BFSP2: variants seen among roughly 807,000 people sequenced by gnomAD.
The protein encoded by BFSP2 is beaded filament structural protein 2.
A neutral mutation model predicts 44.9 loss-of-function variants in BFSP2; 38 were observed. The observed-to-expected ratio is 0.85, with a 90% CI of 0.65 to 1.11. The LOEUF is 1.11. Ranked by LOEUF, BFSP2 falls within the 50% of genes least tolerant of loss-of-function variation. BFSP2 has a pLI of 0.00. For synonymous variants in BFSP2, 197 were observed against 209.9 expected, an observed-to-expected ratio of 0.94 and a Z score of 0.53; for missense variants, 525 against 533.0, an observed-to-expected ratio of 0.99 and a Z score of 0.15.
intron 1 of BFSP2, chr3:133,410,355 C>G: frequency 3.0e-6 from 1 of 330,494 alleles, no homozygotes; most frequent in South Asian, 2.7e-5. Context: ...AGAGACATGA[C>G]TGTGACTCAC....
chr3:133,469,646 C>T (rs576632724), intron 5 of BFSP2, among the ~76,000 whole-genome samples: 12 of 152,334 alleles, frequency 7.9e-5, no homozygotes, highest in Admixed American at 3.9e-4. Context: ...GTGCTGTCTG[C>T]GTGGCTGACT....
chr3:133,407,291 G>A (rs137933159), intron 1 of BFSP2, among the ~76,000 whole-genome samples: 4 of 152,122 alleles, frequency 2.6e-5, no homozygotes, highest in African/African-American at 4.8e-5. Flanking sequence ...TTATGATAGC[G>A]TAAGATGAAT....
intron 1 of BFSP2, among the ~76,000 whole-genome samples, chr3:133,428,770 G>A (rs995466303): frequency 1.3e-5 from 2 of 152,160 alleles, no homozygotes; most frequent in South Asian, 2.1e-4. Flanking sequence ...CAGTCACCCC[G>A]CCCACTGTTC....
intron 1 of BFSP2, among the ~76,000 whole-genome samples, chr3:133,409,519 T>G (rs1049067658): frequency 6.6e-5 from 10 of 152,066 alleles, no homozygotes; most frequent in Non-Finnish European, 1.3e-4. Context: ...AGCCTCAGAT[T>G]TGGGTCTCTA....
intron 1 of BFSP2, among the ~76,000 whole-genome samples, chr3:133,417,862 A>C (rs1271456039): frequency 1.1e-4 from 6 of 56,712 alleles, no homozygotes; most frequent in African/African-American, 2.3e-4. Context: ...CCCTCTACTC[A>C]CCTCTGTCCT....
intron 1 of BFSP2, among the ~76,000 whole-genome samples, chr3:133,432,051 C>G (rs920864284): frequency 6.6e-6 from 1 of 152,104 alleles, no homozygotes; most frequent in African/African-American, 2.4e-5. Flanking sequence ...CAACCGATCA[C>G]ATGCCCATCA....
At chr3:133,412,749 T>C (rs1296409213) in intron 1 of BFSP2, among the ~76,000 whole-genome samples, 1 of 152,170 alleles carries the variant, frequency 6.6e-6, no homozygotes, top group African/African-American at 2.4e-5. Context: ...ACACAGCGGG[T>C]GTTCAAGAAA....
intron 1 of BFSP2, among the ~76,000 whole-genome samples, chr3:133,435,911 G>T (rs2073776627): frequency 6.6e-6 from 1 of 152,088 alleles, no homozygotes; most frequent in Non-Finnish European, 1.5e-5. Context: ...CCACAAATTT[G>T]ATGTTTTCTC....
chr3:133,463,407 T>C (rs973123728), intron 4 of BFSP2, among the ~76,000 whole-genome samples: 3 of 152,206 alleles, frequency 2.0e-5, no homozygotes, highest in African/African-American at 7.2e-5. Context: ...AGTGCGCAGT[T>C]TGACCTTTTG....
At chr3:133,460,893 G>T (rs778149384) in intron 4 of BFSP2, among the ~76,000 whole-genome samples, 2 of 152,230 alleles carry the variant, frequency 1.3e-5, no homozygotes, top group Non-Finnish European at 2.9e-5. Flanking sequence ...AAACCAGAGT[G>T]CTCGAGTGAC....
chr3:133,417,469 C>T lies in BFSP2; in HGVS notation c.489+16897C>T, dbSNP rs182008033. Among the ~76,000 whole-genome samples, 57 of 126,954 alleles carry T rather than the reference C, an allele frequency of 4.5e-4. 1 individual carries two copies. In the East Asian group the frequency reaches 9.2e-3, roughly 20 times the overall value. 83.3% of individuals were successfully genotyped at this position (126,954 alleles called of 152,430 possible). A position where few individuals can be genotyped will look rare whatever the true frequency, so the allele number is the denominator to read the frequency against. ...TCCTCTCCTCTCTACTCACCCCTAC[C>T]CTCTCCCCTCTACTCACCCCTGCCC... On this transcript the variant is annotated intron_variant, in intron 1 of 6. Coordinates refer to ENST00000302334, the MANE Select transcript of BFSP2 (RefSeq NM_003571.4).
chr3:133,436,815 C>G (rs1474258342), intron 1 of BFSP2, among the ~76,000 whole-genome samples: 1 of 152,142 alleles, frequency 6.6e-6, no homozygotes, highest in Non-Finnish European at 1.5e-5. Flanking sequence ...TCCAAGTGTC[C>G]TCATTGTTCA....
intron 4 of BFSP2, among the ~76,000 whole-genome samples, chr3:133,464,025 T>TG (rs1198699738): frequency 6.6e-6 from 1 of 152,194 alleles, no homozygotes; most frequent in East Asian, 1.9e-4. Flanking sequence ...AGCTCACTAC[T>TG]GCTCCCCGCC....
intron 1 of BFSP2, among the ~76,000 whole-genome samples, chr3:133,431,850 TA>T (rs766957863): frequency 1.3e-5 from 2 of 152,170 alleles, no homozygotes; most frequent in Non-Finnish European, 2.9e-5. Flanking sequence ...CACTCCTTTT[TA>T]GTTATCCCCA....
At chr3:133,444,853 T>A (rs1374187145) in intron 1 of BFSP2, among the ~76,000 whole-genome samples, 2 of 152,148 alleles carry the variant, frequency 1.3e-5, no homozygotes, top group African/African-American at 2.4e-5. Flanking sequence ...TTCTTTGGCA[T>A]CTTCTCCTGC....
intron 1 of BFSP2, among the ~76,000 whole-genome samples, chr3:133,420,390 G>GC (rs1450261259): frequency 2.0e-5 from 3 of 152,220 alleles, no homozygotes; most frequent in Non-Finnish European, 4.4e-5. Context: ...TAAAGAAGCA[G>GC]CAGTCATCAC....
rs1377914519 is a variant in BFSP2, at chr3:133,400,437, T to C, written c.354T>C (p.Tyr118=). The C allele has an allele frequency of 6.2e-7, 1 of 1,613,982 alleles. No individual in the cohort carries two copies. The highest frequency in any genetic ancestry group is 8.5e-7 in the Non-Finnish European group (1 of 1,180,026). Residue 118 remains tyrosine (Y), a synonymous_variant, in exon 1 of 7, where the codon TAT becomes TAC. Transcript: ENST00000302334. This position sits in a 1 kb window ranked among gnomAD's most constrained non-coding sequence, Gnocchi z 4.0. ...ACCTAGGGGGCTGCCTGGTGGAATA[T>C]ATGGCCAAAGTGCACGCCCTTGAGC... The part of the protein sequence containing the change: ...VEDLGGCLVE[Y]MAKVHALEQV...
intron 1 of BFSP2, among the ~76,000 whole-genome samples, chr3:133,430,271 A>G (rs1460679676): frequency 2.0e-5 from 3 of 152,020 alleles, no homozygotes; most frequent in African/African-American, 7.3e-5. Context: ...GTATATACCC[A>G]GTAACGGGAT....
Position 133,451,386 on chromosome 3 carries a change from G to A in BFSP2, c.891+922G>A, listed in dbSNP as rs543725947. On this transcript the variant is annotated intron_variant, in intron 4 of 6. Coordinates refer to ENST00000302334, the MANE Select transcript of BFSP2 (RefSeq NM_003571.4). ...TGCCAGAAGCCAAAAAATATTCTCT[G>A]TAAAGGACCAAACAGTAAATATTTC... Among the ~76,000 whole-genome samples the A allele has an allele frequency of 1.2e-4, 18 of 152,340 alleles. No homozygotes were observed. The South Asian group carries it at 2.7e-3, about 23-fold the overall frequency.
Sources: allele counts gnomAD v4.1 joint callset (sites outside exome capture counted in the v4.1 genomes callset), GRCh38; gene constraint gnomAD v4.1.1; non-coding constraint Gnocchi (gnomAD v3.1); transcripts MANE v1.5; gene names NCBI Gene and HGNC (gene_info 2026-07-23, HGNC 2026-07-21).